Variants in RBM5 observed in about 807,000 individuals in gnomAD.
The protein encoded by RBM5 is RNA binding motif protein 5.
In RBM5, 15 loss-of-function variants were observed where a neutral mutation model predicts 124.6. The ratio of observed to expected loss-of-function variants is 0.12; its 90% confidence interval spans 0.08 to 0.19. RBM5 has a LOEUF of 0.19. RBM5 is among the 10% of genes least tolerant of loss of function. The pLI, the probability that RBM5 is intolerant of heterozygous loss-of-function variation, is 1.00. For missense variants in RBM5, 580 were observed against 1,026.5 expected (o/e 0.57, Z 5.94); for synonymous variants, 337 against 361.2 (o/e 0.93, Z 0.76).
At chr3:50,116,944 T>G (rs771298718) in intron 22 of RBM5, 130 bp from the exon 23 acceptor site, 81 of 784,480 alleles carry the variant, frequency 1.0e-4, no homozygotes, top group Middle Eastern at 3.0e-4. Context: ...AATTTGGTAT[T>G]TCAGAGCAGT....
intron 4 of RBM5, among the ~76,000 whole-genome samples, chr3:50,096,775 TG>T (rs1224217023): frequency 3.3e-5 from 5 of 151,342 alleles, no homozygotes; most frequent in Non-Finnish European, 5.9e-5. Flanking sequence ...TTTTATCGTT[TG>T]TTTTTTTTTT....
At chr3:50,112,478 AGAGACAGACACT>A (rs1180419930) in intron 17 of RBM5, 2 of 153,348 alleles carry the variant, frequency 1.3e-5, no homozygotes, top group African/African-American at 4.9e-5. Flanking sequence ...CTTACCCAGA[AGAGACAGACACT>A]GTCTCCTGGG....
chr3:50,108,466 T>C (rs1000768441), intron 14 of RBM5, among the ~76,000 whole-genome samples, 162 bp downstream of exon 14: 7 of 152,014 alleles, frequency 4.6e-5, no homozygotes, highest in Non-Finnish European at 1.0e-4. Flanking sequence ...CCCAGCACTT[T>C]GGGAGGCCAA....
At chr3:50,104,755 C>T (rs2090999450) in intron 8 of RBM5, 1 of 307,374 alleles carries the variant, frequency 3.3e-6, no homozygotes, top group Admixed American at 4.5e-5. Flanking sequence ...AATCTTTTCC[C>T]TTAGGTTAGA....
At chr3:50,111,256 G>C (rs1015247238) in intron 17 of RBM5, among the ~76,000 whole-genome samples, 1 of 152,050 alleles carries the variant, frequency 6.6e-6, no homozygotes, top group East Asian at 1.9e-4. Context: ...CAAATCAGTG[G>C]CTTTTAATAT....
At chr3:50,097,998 G>A (rs2090855601) in intron 4 of RBM5, among the ~76,000 whole-genome samples, 1 of 152,066 alleles carries the variant, frequency 6.6e-6, no homozygotes, top group African/African-American at 2.4e-5. Context: ...TACTCTTGAG[G>A]CTGAGGCAGA....
Position 50,118,437 on chromosome 3 carries a change from G to A in RBM5, c.2429G>A (p.Arg810Gln). 2 of 1,613,864 alleles carry A rather than the reference G, an allele frequency of 1.2e-6. No individual in the cohort carries two copies. Among genetic ancestry groups the A allele is most frequent in the Non-Finnish European group, 8.5e-7 (1 of 1,179,988 alleles). Residue 810 changes from arginine to glutamine, a missense_variant, in exon 25 of 25, where the codon CGG becomes CAG. Arg to Gln is a conservative substitution (Grantham distance 43). Transcript: ENST00000347869. ...GCTGTCCGGAAAGCCATGTTTGCCC[G>A]GTTCACTGAGATGGAGTGAGAGAGA... ...KDAVRKAMFA[R>Q]FTEME
rs780784714 is a variant in RBM5 at position 50,110,512 on chromosome 3, T to A, written c.1363+49T>A. ...TTGACAGTTGGAAGGTCTTAGTTGT[T>A]GTCTTTGTTTAATGAGAGTTCTTCT... On this transcript the variant is annotated intron_variant, in intron 16 of 24. Transcript: ENST00000347869. The A allele has an allele frequency of 1.9e-6, 3 of 1,562,500 alleles. No individual in the cohort carries two copies. In the East Asian group the frequency reaches 6.7e-5, roughly 35 times the overall value.
intron 22 of RBM5, 32 bp downstream of exon 22, chr3:50,116,012 A>T: frequency 6.4e-7 from 1 of 1,567,922 alleles, no homozygotes; most frequent in African/African-American, 1.4e-5. Flanking sequence ...AAGGAAGAGG[A>T]TATTGGGATA....
rs1184036472 is a variant in RBM5 at position 50,117,049 on chromosome 3, C to T, written c.2095-25C>T. 6.3e-7 allele frequency: 1 copy of T among 1,595,714 alleles called. No homozygotes were observed. Among genetic ancestry groups the T allele is most frequent in the East Asian group, 2.2e-5 (1 of 44,778 alleles). On this transcript the variant is annotated intron_variant, in intron 22 of 24. Coordinates refer to ENST00000347869, the MANE Select transcript of RBM5 (RefSeq NM_005778.4). The surrounding 1 kb of genome is among the most constrained non-coding windows in gnomAD (Gnocchi z 4.2). Reference sequence around the variant, plus strand: ...ACAGGTTGAAGTCTGTGAACATTTCCAGCAGTGTTTTTTCTCCCATGTAGA... The same window carrying T: ...ACAGGTTGAAGTCTGTGAACATTTCTAGCAGTGTTTTTTCTCCCATGTAGA...
At chr3:50,096,324 CAAA>C (rs10711228) in intron 4 of RBM5, among the ~76,000 whole-genome samples, 7 of 139,986 alleles carry the variant, frequency 5.0e-5, no homozygotes, top group Admixed American at 1.4e-4. Flanking sequence ...CGCATCTCTC[CAAA>C]AAAAAAAAAA....
At chr3:50,107,181 G>T (rs761827749) in intron 11 of RBM5, 1 of 635,156 alleles carries the variant, frequency 1.6e-6, no homozygotes, top group Non-Finnish European at 2.9e-6. Flanking sequence ...TTCCAGAACA[G>T]CGTGCTAATA....
At position 50,110,777 on chromosome 3, in the gene RBM5, G is replaced by C; in HGVS notation, c.1455+7G>C. The stretch of plus-strand genomic sequence containing the variant: ...TTATGACCCCAACTCGCAAGTAAAT[G>C]TGCTGCTTTCCTCCTCAATTTCACT... On this transcript the variant is annotated splice_region_variant and intron_variant, in intron 17 of 24. Coordinates refer to ENST00000347869, the MANE Select transcript of RBM5 (RefSeq NM_005778.4). 1 of 1,595,552 alleles carries C rather than the reference G, an allele frequency of 6.3e-7. No individual in the cohort carries two copies. The highest frequency in any genetic ancestry group is 8.6e-7 in the Non-Finnish European group (1 of 1,165,674).
At chr3:50,109,281 G>A (rs1047894930) in intron 14 of RBM5, among the ~76,000 whole-genome samples, 6 of 152,184 alleles carry the variant, frequency 3.9e-5, no homozygotes, top group Admixed American at 3.9e-4. Flanking sequence ...CACCGTGTTA[G>A]CCAGGATGGT....
Position 50,115,237 on chromosome 3 carries a change from G to T in RBM5, c.1840-191G>T. ...GCTCCAAGAAGGTTGGTACCAGGAG[G>T]CTGTCAGGCCTAGCACTCAAGGACC... On this transcript the variant is annotated intron_variant, in intron 20 of 24. Transcript: ENST00000347869. 10 of 579,170 alleles carry T rather than the reference G, an allele frequency of 1.7e-5. No individual in the cohort carries two copies. The South Asian group carries it at 2.2e-4, about 13-fold the overall frequency. 35.9% of individuals were successfully genotyped at this position (579,170 alleles called of 1,614,324 possible).
chr3:50,116,452 CAGTT>C (rs1033930939), intron 22 of RBM5: 1 of 174,316 alleles, frequency 5.7e-6, no homozygotes, highest in African/African-American at 2.4e-5. Context: ...AATGGGCAAG[CAGTT>C]AGTGCTGGTG....
intron 15 of RBM5, 78 bp from the exon 16 acceptor site, chr3:50,110,296 CTTCCT>C: frequency 1.6e-6 from 2 of 1,212,344 alleles, no homozygotes; most frequent in Non-Finnish European, 2.4e-6. Context: ...CAGGGGAGCC[CTTCCT>C]CCTGGATGAT....
chr3:50,110,927 G>A (rs2091131859), intron 17 of RBM5, 157 bp downstream of exon 17: 1 of 616,338 alleles, frequency 1.6e-6, no homozygotes, highest in Admixed American at 3.4e-5. Flanking sequence ...TATGGAGATT[G>A]TAAGTTTTAA....
At chr3:50,104,182 T>A in intron 7 of RBM5, 66 bp from the exon 8 acceptor site, 1 of 1,413,200 alleles carries the variant, frequency 7.1e-7, no homozygotes, top group South Asian at 1.2e-5. Context: ...GTGGCCCCAC[T>A]GTTATTGTTA....
Sources: allele counts gnomAD v4.1 joint callset (sites outside exome capture counted in the v4.1 genomes callset), GRCh38; gene constraint gnomAD v4.1.1; non-coding constraint Gnocchi (gnomAD v3.1); transcripts MANE v1.5; gene names NCBI Gene and HGNC (gene_info 2026-07-23, HGNC 2026-07-21).